Variants in TMEM117 observed in about 807,000 individuals in gnomAD.
The protein encoded by TMEM117 is transmembrane protein 117.
A neutral mutation model predicts 52.4 loss-of-function variants in TMEM117; 27 were observed. The ratio of observed to expected loss-of-function variants is 0.51; its 90% CI spans 0.38 to 0.71. The LOEUF (loss-of-function observed/expected upper bound fraction) is 0.71, where lower values mean the gene tolerates loss of function less well. TMEM117 is among the 30% of genes least tolerant of loss of function. The pLI, the probability that TMEM117 is intolerant of heterozygous loss-of-function variation, is 0.00. For synonymous variants in TMEM117, 215 were observed against 206.3 expected (o/e 1.04, Z -0.36); for missense variants, 556 against 630.5 (o/e 0.88, Z 1.26).
chr12:44,034,436 A>G (rs1195586236), intron 3 of TMEM117, among the ~76,000 whole-genome samples: 1 of 152,226 alleles, frequency 6.6e-6, no homozygotes, highest in Non-Finnish European at 1.5e-5. Flanking sequence ...TATTAACAGT[A>G]TAAATAATAG....
chr12:43,901,345 C>G (rs781337366), intron 2 of TMEM117, among the ~76,000 whole-genome samples: 1 of 152,014 alleles, frequency 6.6e-6, no homozygotes, highest in Non-Finnish European at 1.5e-5. Context: ...GAGTCTTGCT[C>G]TGTTGCCCAG....
intron 2 of TMEM117, among the ~76,000 whole-genome samples, chr12:43,932,860 T>G (rs535492655): frequency 6.6e-6 from 1 of 152,272 alleles, no homozygotes; most frequent in Admixed American, 6.5e-5. Context: ...CTTAGAGGAC[T>G]TGTGGAAAGT....
intron 5 of TMEM117, among the ~76,000 whole-genome samples, chr12:44,230,340 T>G (rs1424118030): frequency 2.6e-5 from 4 of 152,014 alleles, no homozygotes; most frequent in African/African-American, 9.7e-5. Flanking sequence ...CAATTCTGCT[T>G]TTCCCTCTTC....
chr12:44,253,874 A>ACC, intron 5 of TMEM117, among the ~76,000 whole-genome samples: 1 of 145,358 alleles, frequency 6.9e-6, no homozygotes, highest in South Asian at 2.2e-4. Flanking sequence ...ACACACACAC[A>ACC]CACCTTCTCT....
intron 5 of TMEM117, among the ~76,000 whole-genome samples, chr12:44,226,499 A>ATGTG (rs1161429257): frequency 9.6e-4 from 128 of 132,948 alleles, no homozygotes; most frequent in African/African-American, 3.9e-3. Context: ...ATAAATATAT[A>ATGTG]TATGTGTGTG....
chr12:44,321,993 G>T lies in TMEM117; in HGVS notation c.768+22254G>T, dbSNP rs1037576614. Among the ~76,000 whole-genome samples the T allele has an allele frequency of 7.2e-5, 11 of 152,280 alleles. No individual in the cohort carries two copies. In the East Asian group the frequency reaches 1.9e-3, roughly 27 times the overall value. On this transcript the variant is annotated intron_variant, in intron 6 of 7. Transcript: ENST00000266534. ...ATAAAATGAGAGAACTTGAAACAGGGATTCTCATAAAATGAGATTTTTTTC... is the reference window on the plus strand; with the variant it reads ...ATAAAATGAGAGAACTTGAAACAGGTATTCTCATAAAATGAGATTTTTTTC...
Position 43,898,763 on chromosome 12 carries a change from T to C in TMEM117, c.278-45447T>C, listed in dbSNP as rs971684038. Among the ~76,000 whole-genome samples, 2 of 152,216 alleles carry C rather than the reference T, an allele frequency of 1.3e-5. 1 individual carries two copies. On this transcript the variant is annotated intron_variant, in intron 2 of 7. Coordinates refer to ENST00000266534, the MANE Select transcript of TMEM117 (RefSeq NM_032256.3). ...AGGGTGCTTCTCTTACATGATACTT[T>C]CTTGAAATTCAACTCCTGAACTGAT... is the stretch of plus-strand genomic sequence containing the variant.
chr12:44,003,340 A>G (rs955139888), intron 3 of TMEM117, among the ~76,000 whole-genome samples: 2 of 152,190 alleles, frequency 1.3e-5, no homozygotes, highest in Non-Finnish European at 2.9e-5. Flanking sequence ...AGCACAGGGT[A>G]GGCTTGACCC....
At chr12:44,173,093 T>G (rs1949071036) in intron 4 of TMEM117, among the ~76,000 whole-genome samples, 1 of 152,190 alleles carries the variant, frequency 6.6e-6, no homozygotes, top group East Asian at 1.9e-4. Flanking sequence ...TTTTTGTTTT[T>G]GGGATGAGGT....
chr12:43,826,760 A>C, the TMEM117 span, among the ~76,000 whole-genome samples: 2 of 152,188 alleles, frequency 1.3e-5, no homozygotes, highest in Non-Finnish European at 2.9e-5. Context: ...TGAGGAGGAA[A>C]GCTAGGTTTT....
At chr12:43,983,626 C>T (rs1945798072) in intron 3 of TMEM117, among the ~76,000 whole-genome samples, 1 of 145,874 alleles carries the variant, frequency 6.9e-6, no homozygotes, top group Non-Finnish European at 1.5e-5. Context: ...CTTTGATCAA[C>T]ATAGTATGAG....
chr12:44,203,639 G>A (rs758741889), intron 4 of TMEM117, among the ~76,000 whole-genome samples: 1 of 152,104 alleles, frequency 6.6e-6, no homozygotes, highest in Non-Finnish European at 1.5e-5. Context: ...AGAGATTCTG[G>A]TATGCTCTTT....
intron 2 of TMEM117, among the ~76,000 whole-genome samples, chr12:43,904,210 C>T (rs1944348405): frequency 6.6e-6 from 1 of 151,946 alleles, no homozygotes; most frequent in South Asian, 2.1e-4. Flanking sequence ...AGTTTATTTC[C>T]TTAAAAACAA....
intron 6 of TMEM117, among the ~76,000 whole-genome samples, chr12:44,335,678 A>C (rs1464553464): frequency 6.6e-6 from 1 of 152,106 alleles, no homozygotes; most frequent in African/African-American, 2.4e-5. Flanking sequence ...TGGTAAAGAC[A>C]TGTAGAGATT....
chr12:43,970,102 A>G (rs116796240), intron 3 of TMEM117, among the ~76,000 whole-genome samples: 4,940 of 152,038 alleles, frequency 0.032, 253 homozygotes, highest in African/African-American at 0.11. Flanking sequence ...CCCTTTGTTC[A>G]GCATATCCAC....
the TMEM117 span, chr12:43,795,859 G>C: frequency 8.9e-7 from 1 of 1,124,154 alleles, no homozygotes; most frequent in Admixed American, 2.3e-5. Context: ...TTCCAGTAAG[G>C]CAGAATCAAG....
chr12:43,824,466 CA>C, the TMEM117 span, among the ~76,000 whole-genome samples: 8 of 152,318 alleles, frequency 5.3e-5, no homozygotes, highest in Admixed American at 2.6e-4. Context: ...GAGACTTTGG[CA>C]ACTATGGCTC....
intron 2 of TMEM117, among the ~76,000 whole-genome samples, chr12:43,904,220 AC>A (rs1944348666): frequency 6.6e-6 from 1 of 152,272 alleles, no homozygotes; most frequent in African/African-American, 2.4e-5. Flanking sequence ...CTTAAAAACA[AC>A]CTTTTAGGCC....
intron 2 of TMEM117, among the ~76,000 whole-genome samples, chr12:43,884,437 T>G (rs1444922749): frequency 1.3e-5 from 2 of 152,232 alleles, no homozygotes; most frequent in South Asian, 2.1e-4. Flanking sequence ...GTATTTGTTT[T>G]AGTGATAACT....
Sources: gnomAD v4.1 joint callset for allele counts (sites outside exome capture counted in the v4.1 genomes callset) on GRCh38, gnomAD v4.1.1 for gene constraint, MANE v1.5 for transcripts, NCBI Gene and HGNC (gene_info 2026-07-23, HGNC 2026-07-21) for gene names.